Variants in LDLRAD4 observed in about 807,000 individuals in gnomAD.
LDLRAD4 encodes the protein low density lipoprotein receptor class A domain containing 4.
A neutral mutation model predicts 17.0 loss-of-function variants in LDLRAD4; 5 were observed. The observed-to-expected ratio is 0.29, with a 90% confidence interval of 0.15 to 0.62. The LOEUF is 0.62. Ranked by LOEUF, LDLRAD4 falls within the 20% of genes least tolerant of loss-of-function variation. The pLI is 0.84. For missense variants in LDLRAD4, 340 were observed against 424.7 expected (o/e 0.80, Z 1.75); for synonymous variants, 168 against 171.8 (o/e 0.98, Z 0.17).
At chr18:13,640,130 C>CA (rs960627226) in intron 4 of LDLRAD4, among the ~76,000 whole-genome samples, 13 of 151,106 alleles carry the variant, frequency 8.6e-5, no homozygotes, top group South Asian at 2.1e-4. Flanking sequence ...ACTAACAGTA[C>CA]AAAAAAAACA....
chr18:13,424,675 G>A (rs1455917241), intron 2 of LDLRAD4, among the ~76,000 whole-genome samples: 1 of 152,210 alleles, frequency 6.6e-6, no homozygotes, highest in Non-Finnish European at 1.5e-5. Context: ...CAGTCTTGGC[G>A]AAGGGTTTTT....
At chr18:13,618,127 A>C (rs559468736) in intron 3 of LDLRAD4, among the ~76,000 whole-genome samples, 1 of 151,330 alleles carries the variant, frequency 6.6e-6, no homozygotes, top group African/African-American at 2.4e-5. Context: ...GTATGTTTGT[A>C]CTCTGTAACA....
At chr18:13,229,298 G>C (rs2041955609) in intron 1 of LDLRAD4, among the ~76,000 whole-genome samples, 1 of 152,210 alleles carries the variant, frequency 6.6e-6, no homozygotes, top group Non-Finnish European at 1.5e-5. Flanking sequence ...CTTGAAGGCT[G>C]TGCAACCTGG....
intron 3 of LDLRAD4, among the ~76,000 whole-genome samples, chr18:13,540,466 T>TC (rs59760915): frequency 0.057 from 8,735 of 152,120 alleles, 844 homozygotes; most frequent in African/African-American, 0.2. Flanking sequence ...TATAACCTTT[T>TC]TTTCTTCTTC....
chr18:13,578,003 G>A (rs1377509139), intron 3 of LDLRAD4, among the ~76,000 whole-genome samples: 4 of 151,964 alleles, frequency 2.6e-5, no homozygotes, highest in Non-Finnish European at 5.9e-5. Context: ...GAGAGTGGCT[G>A]TGAGGAAGGG....
At chr18:13,564,800 C>T (rs72882491) in intron 3 of LDLRAD4, among the ~76,000 whole-genome samples, 26,172 of 152,020 alleles carry the variant, frequency 0.17, 2,520 homozygotes, top group East Asian at 0.36. Context: ...TGTGGCTGGT[C>T]GGGGGTCATT....
intron 2 of LDLRAD4, among the ~76,000 whole-genome samples, chr18:13,415,780 T>G (rs1177855580): frequency 1.3e-5 from 2 of 152,156 alleles, no homozygotes; most frequent in East Asian, 3.9e-4. Flanking sequence ...AGGGCCACGC[T>G]GCCCGGTGTC....
intron 2 of LDLRAD4, among the ~76,000 whole-genome samples, chr18:13,390,419 G>C (rs950536674): frequency 2.6e-5 from 4 of 152,226 alleles, no homozygotes; most frequent in Admixed American, 6.5e-5. Context: ...ATTGTCCCAC[G>C]CTGTGTGGCC....
chr18:13,237,166 G>C (rs1361193505), intron 1 of LDLRAD4, among the ~76,000 whole-genome samples: 1 of 152,212 alleles, frequency 6.6e-6, no homozygotes, highest in Non-Finnish European at 1.5e-5. Context: ...TGGCCAGTCC[G>C]AGTCCTGCTC....
At chr18:13,632,709 A>C (rs2041776249) in intron 4 of LDLRAD4, among the ~76,000 whole-genome samples, 1 of 152,232 alleles carries the variant, frequency 6.6e-6, no homozygotes, top group South Asian at 2.1e-4. Context: ...CAGCTCTTTT[A>C]GTCCCACCAT....
intron 3 of LDLRAD4, among the ~76,000 whole-genome samples, chr18:13,610,956 A>G (rs2039497078): frequency 6.6e-6 from 1 of 152,178 alleles, no homozygotes; most frequent in Non-Finnish European, 1.5e-5. Context: ...GCTGTATATT[A>G]ATAAATGGTC....
chr18:13,586,406 C>CAAA (rs58036819), intron 3 of LDLRAD4, among the ~76,000 whole-genome samples: 20 of 35,108 alleles, frequency 5.7e-4, no homozygotes, highest in Admixed American at 5.5e-3. Flanking sequence ...GACTCTGTCT[C>CAAA]AAAAAAAAAA....
At chr18:13,322,989 A>G (rs2081337462) in intron 1 of LDLRAD4, among the ~76,000 whole-genome samples, 1 of 152,134 alleles carries the variant, frequency 6.6e-6, no homozygotes. Flanking sequence ...TTTGTGTCAC[A>G]CAAACGCTTT....
intron 2 of LDLRAD4, among the ~76,000 whole-genome samples, chr18:13,431,311 G>A (rs1235677942): frequency 2.6e-5 from 4 of 152,114 alleles, no homozygotes; most frequent in Admixed American, 2.0e-4. Context: ...ACCTACTTTC[G>A]GTACTGTTCT....
At chr18:13,420,316 C>T (rs1469517082) in intron 2 of LDLRAD4, 2 of 151,664 alleles carry the variant, frequency 1.3e-5, no homozygotes, top group Non-Finnish European at 2.9e-5. Context: ...GAATATCAAA[C>T]ACTACATTGA....
intron 1 of LDLRAD4, among the ~76,000 whole-genome samples, chr18:13,347,414 G>C (rs1470204156): frequency 6.6e-6 from 1 of 152,144 alleles, no homozygotes; most frequent in African/African-American, 2.4e-5. Flanking sequence ...CTCTCTTCTG[G>C]CTTGTAGAGT....
At chr18:13,227,214 G>A (rs1292700308) in intron 1 of LDLRAD4, among the ~76,000 whole-genome samples, 1 of 152,174 alleles carries the variant, frequency 6.6e-6, no homozygotes, top group Non-Finnish European at 1.5e-5. Flanking sequence ...TATGAACAGT[G>A]CCTGACCTCT....
At chr18:13,326,692 G>T (rs2081555509) in intron 1 of LDLRAD4, among the ~76,000 whole-genome samples, 1 of 152,126 alleles carries the variant, frequency 6.6e-6, no homozygotes, top group Non-Finnish European at 1.5e-5. Context: ...CCTAACAGCT[G>T]TTCCTGGGGA....
intron 3 of LDLRAD4, among the ~76,000 whole-genome samples, chr18:13,619,507 G>T (rs1384991317): frequency 1.6e-5 from 2 of 128,390 alleles, no homozygotes; most frequent in Admixed American, 1.5e-4. Context: ...TGGGTGGGGG[G>T]GTGGGGCCGG....
Sources: allele counts gnomAD v4.1 joint callset (sites outside exome capture counted in the v4.1 genomes callset), GRCh38; gene constraint gnomAD v4.1.1; transcripts MANE v1.5; gene names NCBI Gene and HGNC (gene_info 2026-07-23, HGNC 2026-07-21).